Variants in OSBPL3 observed in about 807,000 individuals in gnomAD.
OSBPL3 encodes the protein oxysterol binding protein like 3, also known as oxysterol-binding protein-related protein 3.
Under a neutral mutation model 120.1 loss-of-function variants are expected in OSBPL3, and 65 were observed. The ratio of observed to expected loss-of-function variants is 0.54; its 90% CI spans 0.44 to 0.67. OSBPL3 has a LOEUF of 0.67. Ranked by LOEUF, OSBPL3 falls within the 30% of genes least tolerant of loss-of-function variation. The pLI is 0.00. For missense variants in OSBPL3, 1,004 were observed against 1,082.1 expected, an observed-to-expected ratio of 0.93 and a Z score of 1.01; for synonymous variants, 416 against 402.6, an observed-to-expected ratio of 1.03 and a Z score of -0.40.
At chr7:24,839,989 CACAA>C (rs1224793160) in intron 14 of OSBPL3, among the ~76,000 whole-genome samples, 8 of 65,324 alleles carry the variant, frequency 1.2e-4, no homozygotes, top group African/African-American at 2.2e-4. Flanking sequence ...GACTCCATCT[CACAA>C]AAAAAAAAAA....
At chr7:24,876,005 T>C (rs117456144) in intron 2 of OSBPL3, among the ~76,000 whole-genome samples, 1,605 of 152,292 alleles carry the variant, frequency 0.011, 16 homozygotes, top group South Asian at 0.021. Context: ...TATTTTCTTG[T>C]AAGTAAGTCC....
rs980986606 is a variant in OSBPL3, at chr7:24,819,133, G to A, written c.1948+1042C>T. 4.0e-5 allele frequency among the ~76,000 whole-genome samples: 6 copies of A among 151,676 alleles called. No individual in the cohort carries two copies. The highest frequency in any genetic ancestry group is 1.2e-4 in the African/African-American group (5 of 41,272). On this transcript the variant is annotated intron_variant, in intron 17 of 22. Coordinates refer to ENST00000313367, the MANE Select transcript of OSBPL3 (RefSeq NM_015550.4). This position sits in a 1 kb window ranked among gnomAD's most constrained non-coding sequence, Gnocchi z 4.1. ...CTGGGCATAGTGGCGCATGCCTGTA[G>A]TCCCAGCTACTCGGGAGGCTGAGAC...
chr7:24,842,272 C>T lies in OSBPL3; in HGVS notation c.1401+7G>A, dbSNP rs2128205493. 1 of 1,612,490 alleles carries T rather than the reference C, an allele frequency of 6.2e-7. No homozygotes were observed. Among genetic ancestry groups the T allele is most frequent in the Non-Finnish European group, 8.5e-7 (1 of 1,179,754 alleles). On this transcript the variant is annotated splice_region_variant and intron_variant, in intron 13 of 22. Transcript: ENST00000313367. ...TTGAGGCACCATACTGTAAACATTG[C>T]TCAAACCTCGTTTTCTGAAGAGCTT...
At position 24,968,408 on chromosome 7, in the gene OSBPL3, T is replaced by C. The variant is rs1156820476; in HGVS notation, c.-150+11478A>G. Reference sequence around the variant, plus strand: ...GGCTTCAGCACACCAGTTTTTTTGTTTTTTTTGAGTCGGAGTCTCCCTCTG... The same window carrying C: ...GGCTTCAGCACACCAGTTTTTTTGTCTTTTTTGAGTCGGAGTCTCCCTCTG... On this transcript the variant is annotated intron_variant, in intron 1 of 22. Coordinates refer to ENST00000313367, the MANE Select transcript of OSBPL3 (RefSeq NM_015550.4). The surrounding 1 kb of genome is among the most constrained non-coding windows in gnomAD (Gnocchi z 4.6). Among the ~76,000 whole-genome samples the C allele has an allele frequency of 6.6e-6, 1 of 152,152 alleles. No individual in the cohort carries two copies. Among genetic ancestry groups the C allele is most frequent in the Non-Finnish European group, 1.5e-5 (1 of 68,020 alleles).
chr7:24,840,901 G>A, intron 13 of OSBPL3, 118 bp from the exon 14 acceptor site: 1 of 569,128 alleles, frequency 1.8e-6, no homozygotes, highest in Non-Finnish European at 3.0e-6. Context: ...ATACTCTTGG[G>A]TACTGTTTTC....
In OSBPL3 at chr7:24,804,456, A is replaced by G. The variant is rs770956334; in HGVS notation, c.2445-19T>C. 7 of 1,609,554 alleles carry G rather than the reference A, an allele frequency of 4.3e-6. No individual in the cohort carries two copies. The highest frequency in any genetic ancestry group is 5.9e-6 in the Non-Finnish European group (7 of 1,177,534). On this transcript the variant is annotated intron_variant, in intron 21 of 22. Transcript: ENST00000313367. The surrounding 1 kb of genome is among the most constrained non-coding windows in gnomAD (Gnocchi z 5.4). ...TAGAAACCTGAGGCATCGAGGAAAA[A>G]AAAATGAAAGGATATGAATTCAAGA...
Position 24,959,659 on chromosome 7 carries a change from T to C in OSBPL3, c.-150+20227A>G, listed in dbSNP as rs1050729968. On this transcript the variant is annotated intron_variant, in intron 1 of 22. Coordinates refer to ENST00000313367, the MANE Select transcript of OSBPL3 (RefSeq NM_015550.4). The surrounding 1 kb of genome is among the most constrained non-coding windows in gnomAD (Gnocchi z 4.3). ...TTAGATTATATGTTGATGCTTTGTA[T>C]ACTTTTCTGCAGGCATATTATACTT... Among the ~76,000 whole-genome samples the C allele has an allele frequency of 8.5e-4, 130 of 152,354 alleles. No individual in the cohort carries two copies. The highest frequency in any genetic ancestry group is 3.1e-3 in the African/African-American group (127 of 41,588).
At chr7:24,901,397 G>C (rs1584555494) in intron 1 of OSBPL3, among the ~76,000 whole-genome samples, 1 of 151,766 alleles carries the variant, frequency 6.6e-6, no homozygotes, top group East Asian at 1.9e-4. Context: ...GATCTAACCT[G>C]CTAAGATGCA....
At chr7:24,837,297 G>A (rs1414457837) in intron 14 of OSBPL3, among the ~76,000 whole-genome samples, 5 of 152,026 alleles carry the variant, frequency 3.3e-5, no homozygotes, top group East Asian at 1.9e-4. Context: ...TCGAACTCCC[G>A]GGCCTAAACA....
chr7:24,935,001 C>A (rs578164544), intron 1 of OSBPL3, among the ~76,000 whole-genome samples: 11 of 152,090 alleles, frequency 7.2e-5, no homozygotes, highest in African/African-American at 2.4e-4. Flanking sequence ...CCTTTAAGCC[C>A]CCTTTCAAAA....
intron 5 of OSBPL3, among the ~76,000 whole-genome samples, chr7:24,869,408 G>A (rs930892625): frequency 6.6e-6 from 1 of 152,110 alleles, no homozygotes. Flanking sequence ...CAGAAAAAAC[G>A]ATAGTATTCT....
In OSBPL3 at chr7:24,940,447, A is replaced by G. The variant is rs756611634; in HGVS notation, c.-150+39439T>C. On this transcript the variant is annotated intron_variant, in intron 1 of 22. Coordinates refer to ENST00000313367, the MANE Select transcript of OSBPL3 (RefSeq NM_015550.4). The surrounding 1 kb of genome is among the most constrained non-coding windows in gnomAD (Gnocchi z 4.4). ...AGGGGAGAAGTAAAGAGTGTGGAAG[A>G]GTAAAGACCAGACAGGCTGAACAGG... is the stretch of plus-strand genomic sequence containing the variant. 1.3e-4 allele frequency among the ~76,000 whole-genome samples: 20 copies of G among 152,302 alleles called. No homozygotes were observed. Among genetic ancestry groups the G allele is most frequent in the South Asian group, 4.1e-4 (2 of 4,830 alleles).
At chr7:24,941,671 C>T (rs902026835) in intron 1 of OSBPL3, among the ~76,000 whole-genome samples, 1 of 152,218 alleles carries the variant, frequency 6.6e-6, no homozygotes, top group African/African-American at 2.4e-5. Context: ...CAAGTAATGA[C>T]AATCTGTTCT....
chr7:24,860,537 C>T (rs1015789578), intron 10 of OSBPL3, among the ~76,000 whole-genome samples: 3 of 152,220 alleles, frequency 2.0e-5, no homozygotes, highest in Admixed American at 6.5e-5. Flanking sequence ...GTAAGACATG[C>T]TTTTCGTCAT....
At chr7:24,948,591 T>C (rs972750373) in intron 1 of OSBPL3, among the ~76,000 whole-genome samples, 12 of 152,246 alleles carry the variant, frequency 7.9e-5, no homozygotes, top group African/African-American at 2.9e-4. Flanking sequence ...TTATCCATTC[T>C]ATGGAAGAGG....
intron 10 of OSBPL3, among the ~76,000 whole-genome samples, chr7:24,861,068 T>C (rs1207128425): frequency 2.0e-5 from 3 of 152,250 alleles, no homozygotes; most frequent in African/African-American, 4.8e-5. Flanking sequence ...TAAATTTATA[T>C]GCATTTTCAC....
chr7:24,927,159 C>T (rs1388199512), intron 1 of OSBPL3, among the ~76,000 whole-genome samples: 6 of 152,106 alleles, frequency 3.9e-5, no homozygotes, highest in Admixed American at 6.6e-5. Flanking sequence ...CAAGAGGATT[C>T]GTATGTCTTC....
At position 24,855,064 on chromosome 7, in the gene OSBPL3, C is replaced by T. The variant is rs1304569970; in HGVS notation, c.1028-2430G>A. On this transcript the variant is annotated intron_variant, in intron 10 of 22. Coordinates refer to ENST00000313367, the MANE Select transcript of OSBPL3 (RefSeq NM_015550.4). This position sits in a 1 kb window ranked among gnomAD's most constrained non-coding sequence, Gnocchi z 4.3. Reference sequence around the variant, plus strand: ...AATAACTGCACACAGGGTAGAAATTCTAGGAATGAGGGGTTGGCCAGAATC... The same window carrying T: ...AATAACTGCACACAGGGTAGAAATTTTAGGAATGAGGGGTTGGCCAGAATC... Among the ~76,000 whole-genome samples the T allele has an allele frequency of 1.3e-5, 2 of 152,122 alleles. No individual in the cohort carries two copies. The highest frequency in any genetic ancestry group is 2.9e-5 in the Non-Finnish European group (2 of 68,018).
At position 24,910,511 on chromosome 7, in the gene OSBPL3, C is replaced by G. The variant is rs367951236; in HGVS notation, c.-149-17890G>C. On this transcript the variant is annotated intron_variant, in intron 1 of 22. Transcript: ENST00000313367. ...AGACAGGTGGCAAAAAGAAGACAGG[C>G]ACACTGATGAAAACTCAATTCAGTA... Among the ~76,000 whole-genome samples, 16 of 152,318 alleles carry G rather than the reference C, an allele frequency of 1.1e-4. 1 individual carries two copies. The highest frequency in any genetic ancestry group is 4.6e-4 in the Admixed American group (7 of 15,306).
Sources: allele counts gnomAD v4.1 joint callset (sites outside exome capture counted in the v4.1 genomes callset), GRCh38; gene constraint gnomAD v4.1.1; non-coding constraint Gnocchi (gnomAD v3.1); transcripts MANE v1.5; gene names NCBI Gene and HGNC (gene_info 2026-07-23, HGNC 2026-07-21).